The following CYP2C18 variants were observed in gnomAD, a reference collection of about 807,000 sequenced individuals.
The protein encoded by CYP2C18 is cytochrome P450 2C18.
A neutral mutation model predicts 41.3 loss-of-function variants in CYP2C18; 38 were observed. The observed-to-expected ratio is 0.92, with a 90% CI of 0.71 to 1.21. The LOEUF (loss-of-function observed/expected upper bound fraction) is 1.21, where lower values mean the gene tolerates loss of function less well. Among genes scored for constraint, CYP2C18 ranks in the 50% most tolerant of loss-of-function variants. The pLI is 0.00. For missense variants in CYP2C18, 635 were observed against 591.4 expected (o/e 1.07, Z -0.77); for synonymous variants, 236 against 210.0 (o/e 1.12, Z -1.07).
At chr10:94,691,775 A>G (rs1261711287) in intron 3 of CYP2C18, among the ~76,000 whole-genome samples, 1 of 152,212 alleles carries the variant, frequency 6.6e-6, no homozygotes, top group Admixed American at 6.5e-5. Context: ...TTCAAACTAT[A>G]CTACAAGGCT....
intron 6 of CYP2C18, 101 bp from the exon 7 acceptor site, chr10:94,724,245 T>C: frequency 8.7e-7 from 1 of 1,152,590 alleles, no homozygotes. Flanking sequence ...AAGTTTATAA[T>C]GATGTTGGGA....
At chr10:94,721,107 G>A (rs1356647818) in intron 6 of CYP2C18, among the ~76,000 whole-genome samples, 1 of 151,952 alleles carries the variant, frequency 6.6e-6, no homozygotes, top group East Asian at 1.9e-4. Context: ...TCCGCCTCCC[G>A]GGTTCAAGTG....
At chr10:94,694,458 A>G (rs117922738) in intron 3 of CYP2C18, among the ~76,000 whole-genome samples, 2,556 of 152,230 alleles carry the variant, frequency 0.017, 36 homozygotes, top group Middle Eastern at 0.031. Flanking sequence ...CTCTGCTGGT[A>G]CTACACACAG....
chr10:94,716,830 G>T (rs976409525), intron 5 of CYP2C18, among the ~76,000 whole-genome samples: 1 of 152,112 alleles, frequency 6.6e-6, no homozygotes, highest in Non-Finnish European at 1.5e-5. Flanking sequence ...ATCTTCGTAG[G>T]TCTCTAAGGA....
At chr10:94,702,709 A>G (rs895867326) in intron 4 of CYP2C18, among the ~76,000 whole-genome samples, 1 of 151,938 alleles carries the variant, frequency 6.6e-6, no homozygotes, top group African/African-American at 2.4e-5. Flanking sequence ...TTGTTATTAC[A>G]CATCTTCTGA....
chr10:94,712,028 T>TTTTTTTTTTTG (rs1847446163), intron 5 of CYP2C18, among the ~76,000 whole-genome samples: 4 of 123,548 alleles, frequency 3.2e-5, no homozygotes, highest in Admixed American at 9.2e-5. Flanking sequence ...TTTTTTTTTT[T>TTTTTTTTTTTG]GTAGAGATAG....
intron 7 of CYP2C18, among the ~76,000 whole-genome samples, chr10:94,728,039 G>C (rs1052929691): frequency 6.6e-6 from 1 of 151,922 alleles, no homozygotes; most frequent in African/African-American, 2.4e-5. Context: ...ATCTCTTATA[G>C]CTTTTTTTTG....
chr10:94,695,197 G>GA, intron 4 of CYP2C18, 120 bp downstream of exon 4: 1 of 899,328 alleles, frequency 1.1e-6, no homozygotes, highest in Non-Finnish European at 1.7e-6. Context: ...GAATGGGCAG[G>GA]TTTGTCACAT....
intron 6 of CYP2C18, among the ~76,000 whole-genome samples, chr10:94,721,216 T>G (rs1264186186): frequency 3.9e-5 from 6 of 152,024 alleles, no homozygotes; most frequent in African/African-American, 1.4e-4. Context: ...GGTTTCACCA[T>G]GTTGGTCAGG....
Position 94,683,836 on chromosome 10 carries a change from C to T in CYP2C18, c.17C>T (p.Ala6Val). 3 of 1,603,504 alleles carry T rather than the reference C, an allele frequency of 1.9e-6. No individual in the cohort carries two copies. The highest frequency in any genetic ancestry group is 1.7e-6 in the Non-Finnish European group (2 of 1,175,562). The stretch of plus-strand genomic sequence containing the variant: ...AAGCCTTCAATGGATCCAGCTGTGG[C>T]TCTGGTGCTCTGTCTCTCCTGTTTG... MDPAV[A>V]LVLCLSCLFL... The change falls in exon 1 of 9, where the codon GCT becomes GTT. Residue 6 changes from alanine (A) to valine (V), a missense_variant. Coordinates refer to ENST00000285979, the MANE Select transcript of CYP2C18 (RefSeq NM_000772.3).
At chr10:94,711,238 T>A (rs1355094561) in intron 5 of CYP2C18, among the ~76,000 whole-genome samples, 1 of 152,162 alleles carries the variant, frequency 6.6e-6, no homozygotes, top group Non-Finnish European at 1.5e-5. Context: ...TTCCTGTGCT[T>A]GTTTACTAGA....
Position 94,700,739 on chromosome 10 carries a change from A to G in CYP2C18, c.642+5662A>G, listed in dbSNP as rs369120957. ...AATCTACTCATCTGACAAAAGGCTAATATCCAGAATCTACAATGAACTCAA... is the reference window on the plus strand; with the variant it reads ...AATCTACTCATCTGACAAAAGGCTAGTATCCAGAATCTACAATGAACTCAA... On this transcript the variant is annotated intron_variant, in intron 4 of 8. Transcript: ENST00000285979. 2.7e-4 allele frequency among the ~76,000 whole-genome samples: 41 copies of G among 152,366 alleles called. 2 individuals are homozygous for G. The South Asian group carries it at 3.1e-3, about 12-fold the overall frequency.
At chr10:94,733,847 A>G (rs1847875194) in intron 8 of CYP2C18, among the ~76,000 whole-genome samples, 2 of 152,046 alleles carry the variant, frequency 1.3e-5, no homozygotes, top group South Asian at 4.1e-4. Flanking sequence ...AGATACAAGT[A>G]TCTGAGAGCA....
Position 94,733,431 on chromosome 10 carries a change from C to G in CYP2C18, c.1284C>G (p.Phe428Leu), listed in dbSNP as rs1188132314. The change falls in exon 8 of 9, where the codon TTC (phenylalanine) becomes TTG (leucine). Residue 428 changes from phenylalanine to leucine, a missense_variant. By Grantham distance (22) the Phe-to-Leu change is conservative. Coordinates refer to ENST00000285979, the MANE Select transcript of CYP2C18 (RefSeq NM_000772.3). ...AGAAAAGTGACTACTTCATGCCTTTCTCAGCAGGTAATAGATATTCATTTC... is the reference window on the plus strand; with the variant it reads ...AGAAAAGTGACTACTTCATGCCTTTGTCAGCAGGTAATAGATATTCATTTC... ...NFKKSDYFMPFSAGKRMCMGE... is the reference protein window; with the variant it reads ...NFKKSDYFMPLSAGKRMCMGE... 1.2e-6 allele frequency: 2 copies of G among 1,613,096 alleles called. No homozygotes were observed. The highest frequency in any genetic ancestry group is 2.7e-5 in the African/African-American group (2 of 74,848).
chr10:94,714,659 G>A (rs924897882), intron 5 of CYP2C18, among the ~76,000 whole-genome samples: 1 of 152,076 alleles, frequency 6.6e-6, no homozygotes, highest in Non-Finnish European at 1.5e-5. Flanking sequence ...TTGGCAATGT[G>A]GGCTCTTTTT....
intron 5 of CYP2C18, among the ~76,000 whole-genome samples, chr10:94,709,745 G>A (rs897580706): frequency 1.3e-5 from 2 of 152,072 alleles, no homozygotes; most frequent in Admixed American, 6.6e-5. Context: ...ATTACATTTA[G>A]GTCTAAGATC....
At chr10:94,701,946 C>G (rs1414764395) in intron 4 of CYP2C18, among the ~76,000 whole-genome samples, 2 of 152,086 alleles carry the variant, frequency 1.3e-5, no homozygotes, top group African/African-American at 2.4e-5. Context: ...TTGGATTAAT[C>G]TTTCTGTAAA....
intron 1 of CYP2C18, among the ~76,000 whole-genome samples, chr10:94,687,258 A>T (rs1025106158): frequency 1.3e-5 from 2 of 152,178 alleles, no homozygotes; most frequent in East Asian, 3.8e-4. Flanking sequence ...TGGGTGATTT[A>T]AAAAGGTGTA....
chr10:94,695,642 A>G (rs865976505), intron 4 of CYP2C18, among the ~76,000 whole-genome samples: 34 of 152,228 alleles, frequency 2.2e-4, no homozygotes, highest in Middle Eastern at 6.8e-3. Flanking sequence ...GGTACAGGAC[A>G]GTGGGTGCAG....
Sources: allele counts gnomAD v4.1 joint callset (sites outside exome capture counted in the v4.1 genomes callset), GRCh38; gene constraint gnomAD v4.1.1; transcripts MANE v1.5; gene names NCBI Gene and HGNC (gene_info 2026-07-23, HGNC 2026-07-21).